The following TRDN variants were observed in gnomAD, a reference collection of about 807,000 sequenced individuals.
The protein encoded by TRDN is triadin.
A neutral mutation model predicts 149.7 loss-of-function variants in TRDN; 161 were observed. The ratio of observed to expected loss-of-function variants is 1.08; its 90% CI spans 0.95 to 1.23. The LOEUF (loss-of-function observed/expected upper bound fraction) is 1.23, where lower values mean the gene tolerates loss of function less well. Among genes scored for constraint, TRDN ranks in the 50% most tolerant of loss-of-function variants. The probability of loss-of-function intolerance (pLI) is 0.00; values close to 1 mark genes in which losing one functional copy is unlikely to be tolerated. For synonymous variants in TRDN, 294 were observed against 250.5 expected (o/e 1.17, Z -1.64); for missense variants, 896 against 823.5 (o/e 1.09, Z -1.08).
intron 9 of TRDN, among the ~76,000 whole-genome samples, chr6:123,487,360 A>T (rs1172453458): frequency 6.6e-6 from 1 of 152,040 alleles, no homozygotes; most frequent in Non-Finnish European, 1.5e-5. Context: ...TACTTTGTAG[A>T]ATTTTGAGTT....
chr6:123,258,263 CTG>C (rs1355954038), intron 35 of TRDN, among the ~76,000 whole-genome samples: 1 of 152,136 alleles, frequency 6.6e-6, no homozygotes, highest in Non-Finnish European at 1.5e-5. Flanking sequence ...ATGCTATTGA[CTG>C]TGGGTTTATC....
At chr6:123,250,257 A>G (rs776169439) in intron 38 of TRDN, among the ~76,000 whole-genome samples, 2 of 152,124 alleles carry the variant, frequency 1.3e-5, no homozygotes, top group African/African-American at 4.8e-5. Context: ...TCCCTGCTAG[A>G]CAAGAGGTGC....
chr6:123,522,986 T>C (rs1779760367), intron 5 of TRDN, among the ~76,000 whole-genome samples: 1 of 152,054 alleles, frequency 6.6e-6, no homozygotes, highest in Non-Finnish European at 1.5e-5. Context: ...CCCTAGAACA[T>C]ACATGAAGAC....
intron 24 of TRDN, among the ~76,000 whole-genome samples, chr6:123,303,185 T>C (rs1454378103): frequency 6.6e-6 from 1 of 152,142 alleles, no homozygotes; most frequent in African/African-American, 2.4e-5. Flanking sequence ...CTCCTTCCTC[T>C]ACATCTTTCT....
intron 12 of TRDN, among the ~76,000 whole-genome samples, chr6:123,425,952 T>C (rs534116416): frequency 6.6e-6 from 1 of 152,230 alleles, no homozygotes; most frequent in South Asian, 2.1e-4. Context: ...ACATATGACA[T>C]AGCACATTTT....
intron 1 of TRDN, among the ~76,000 whole-genome samples, chr6:123,614,288 T>TAAAAAAAAAAAA (rs1216969453): frequency 2.4e-4 from 14 of 59,302 alleles, no homozygotes; most frequent in Non-Finnish European, 3.2e-4. Flanking sequence ...AGTGCTTCAT[T>TAAAAAAAAAAAA]AAAAAAAAAA....
intron 1 of TRDN, among the ~76,000 whole-genome samples, chr6:123,574,857 CATATATATATAT>C (rs1162190609): frequency 5.9e-5 from 3 of 50,554 alleles, no homozygotes; most frequent in African/African-American, 8.1e-5. Flanking sequence ...TTTATATATA[CATATATATATAT>C]ATATATATAT....
rs78797114 is a variant in TRDN, at chr6:123,569,224, A to G, written c.232+1699T>C. ...TCTTTGCTAAGGCATAACATGCATC[A>G]CCTTTGATCCAGTCTCCAATACATT... On this transcript the variant is annotated intron_variant, in intron 2 of 40. Coordinates refer to ENST00000334268, the MANE Select transcript of TRDN (RefSeq NM_006073.4). 4.2e-3 allele frequency among the ~76,000 whole-genome samples: 635 copies of G among 152,306 alleles called. 5 individuals carry two copies. Among genetic ancestry groups the G allele is most frequent in the African/African-American group, 0.015 (611 of 41,546 alleles).
At chr6:123,272,104 A>G (rs1777223493) in intron 29 of TRDN, among the ~76,000 whole-genome samples, 1 of 151,930 alleles carries the variant, frequency 6.6e-6, no homozygotes, top group Admixed American at 6.6e-5. Flanking sequence ...GGTGTATCAC[A>G]GTTTTTTTAA....
chr6:123,410,499 T>C (rs933979100), intron 12 of TRDN, among the ~76,000 whole-genome samples: 3 of 152,238 alleles, frequency 2.0e-5, no homozygotes, highest in Non-Finnish European at 2.9e-5. Flanking sequence ...ACATTTATTG[T>C]ATTTTCTCTT....
chr6:123,238,874 C>A (rs192189336), intron 38 of TRDN, among the ~76,000 whole-genome samples: 58 of 152,280 alleles, frequency 3.8e-4, no homozygotes, highest in African/African-American at 1.3e-3. Context: ...CGGAGTCTCA[C>A]TCTTTGGCCA....
intron 1 of TRDN, among the ~76,000 whole-genome samples, chr6:123,591,955 G>A (rs1583297025): frequency 6.6e-6 from 1 of 152,156 alleles, no homozygotes; most frequent in East Asian, 1.9e-4. Context: ...CTAGAGAGTG[G>A]GGACAAGTAT....
intron 21 of TRDN, among the ~76,000 whole-genome samples, chr6:123,343,744 TAAAA>T (rs896851451): frequency 1.2e-4 from 18 of 151,740 alleles, no homozygotes; most frequent in African/African-American, 4.4e-4. Flanking sequence ...AGTATAATAA[TAAAA>T]AAAATTAATA....
chr6:123,464,578 A>C, intron 10 of TRDN: 1 of 1,031,692 alleles, frequency 9.7e-7, no homozygotes, highest in Non-Finnish European at 1.2e-6. Flanking sequence ...TTCAGAGACT[A>C]AATTGATCAA....
At chr6:123,364,755 C>G (rs946770942) in intron 20 of TRDN, among the ~76,000 whole-genome samples, 3 of 152,180 alleles carry the variant, frequency 2.0e-5, no homozygotes, top group African/African-American at 7.2e-5. Flanking sequence ...CATAAGTTGG[C>G]CACACTTTTG....
At chr6:123,279,023 C>T (rs765097249) in intron 25 of TRDN, 33 bp downstream of exon 25, 23 of 1,591,818 alleles carry the variant, frequency 1.4e-5, no homozygotes, top group South Asian at 4.6e-5. Context: ...TACATATGTA[C>T]GTGTTTGTTT....
intron 9 of TRDN, among the ~76,000 whole-genome samples, chr6:123,474,284 A>G (rs368711392): frequency 2.5e-4 from 38 of 152,142 alleles, no homozygotes; most frequent in African/African-American, 7.0e-4. Context: ...AAAGGCAGGG[A>G]TTGCAATCCT....
intron 5 of TRDN, among the ~76,000 whole-genome samples, chr6:123,524,963 C>T (rs1779874414): frequency 6.6e-6 from 1 of 152,010 alleles, no homozygotes; most frequent in South Asian, 2.1e-4. Context: ...AATTGCTTAA[C>T]ATCAGTAACC....
chr6:123,453,395 C>A (rs2114663017), intron 10 of TRDN, among the ~76,000 whole-genome samples: 1 of 152,032 alleles, frequency 6.6e-6, no homozygotes, highest in South Asian at 2.1e-4. Flanking sequence ...ACAACAAACT[C>A]AAACAAGACA....
Sources: gnomAD v4.1 joint callset for allele counts (sites outside exome capture counted in the v4.1 genomes callset) on GRCh38, gnomAD v4.1.1 for gene constraint, MANE v1.5 for transcripts, NCBI Gene and HGNC (gene_info 2026-07-23, HGNC 2026-07-21) for gene names.